The following SYNE2 variants were observed in gnomAD, a reference collection of about 807,000 sequenced individuals.
The protein encoded by SYNE2 is spectrin repeat containing nuclear envelope protein 2, also known as nesprin-2.
Under a neutral mutation model 856.3 loss-of-function variants are expected in SYNE2, and 431 were observed. The observed-to-expected ratio is 0.50, with a 90% CI of 0.47 to 0.55. The LOEUF (loss-of-function observed/expected upper bound fraction) is 0.55. Among genes scored for constraint, SYNE2 ranks in the 20% least tolerant of loss-of-function variants. The pLI is 0.00. For synonymous variants in SYNE2, 2,923 were observed against 2,872.3 expected, an observed-to-expected ratio of 1.02 and a Z score of -0.56; for missense variants, 8,129 against 8,023.2, an observed-to-expected ratio of 1.01 and a Z score of -0.50.
intron 113 of SYNE2, 38 bp downstream of exon 113, chr14:64,223,418 GT>G: frequency 6.2e-7 from 1 of 1,606,430 alleles, no homozygotes; most frequent in East Asian, 2.2e-5. Context: ...AAAGATTGCC[GT>G]ATTACATGCA....
chr14:63,998,312 A>T lies in SYNE2; in HGVS notation c.3337A>T (p.Asn1113Tyr). 1 of 1,610,108 alleles carries T rather than the reference A, an allele frequency of 6.2e-7. No homozygotes were observed. The highest frequency in any genetic ancestry group is 8.5e-7 in the Non-Finnish European group (1 of 1,176,380). Reference sequence around the variant, plus strand: ...GGAAAAGGATTACAGTGCATCTATAAATAGTTTACTAGAGAGGTAAACTCT... The same window carrying T: ...GGAAAAGGATTACAGTGCATCTATATATAGTTTACTAGAGAGGTAAACTCT... ...IMEKDYSASI[N>Y]SLLERYDTYR... is the part of the protein sequence containing the mutation. Residue 1113 changes from asparagine to tyrosine, a missense_variant, in exon 26 of 116, where the codon AAT (asparagine) becomes TAT (tyrosine). Asn to Tyr is a moderately radical substitution (Grantham distance 143). Transcript: ENST00000555002.
chr14:63,851,821 G>A (rs1411305403), upstream of SYNE2, among the ~76,000 whole-genome samples: 1 of 151,916 alleles, frequency 6.6e-6, no homozygotes. Context: ...AGTGGCTCAT[G>A]CCTGTAATCC....
Position 64,226,147 on chromosome 14 carries a change from A to G in SYNE2, c.*621A>G, listed in dbSNP as rs1407834884. 6.5e-6 allele frequency: 1 copy of G among 153,646 alleles called. No individual in the cohort carries two copies. The highest frequency in any genetic ancestry group is 2.4e-5 in the African/African-American group (1 of 41,466). The allele number at this position is 153,646 out of a possible 1,614,324, so 9.5% of individuals were successfully genotyped here. On this transcript the variant is annotated 3_prime_UTR_variant, in exon 116 of 116. Transcript: ENST00000555002. ...GGTTATTTGTGCATATTTTTTAACA[A>G]TGCCCAATCTGTATGAATAATGTAA...
intron 77 of SYNE2, among the ~76,000 whole-genome samples, chr14:64,133,452 A>G (rs774728000): frequency 2.0e-5 from 3 of 152,176 alleles, no homozygotes; most frequent in Non-Finnish European, 2.9e-5. Context: ...TTTGGAGTCA[A>G]TAACTCAGCT....
At chr14:63,825,805 G>A (rs1022636776) in intron 1 of SYNE2, among the ~76,000 whole-genome samples, 3 of 152,108 alleles carry the variant, frequency 2.0e-5, no homozygotes, top group Non-Finnish European at 2.9e-5. Flanking sequence ...GAACCCAGGA[G>A]GCAAAGGCAG....
chr14:64,113,256 G>C (rs775093844), intron 65 of SYNE2, 85 bp from the exon 66 acceptor site: 10 of 1,606,914 alleles, frequency 6.2e-6, no homozygotes, highest in Non-Finnish European at 7.6e-6. Context: ...TCTTTTAACT[G>C]GGGAAATGTT....
chr14:64,015,052 TATAA>T (rs1207712681), intron 32 of SYNE2, among the ~76,000 whole-genome samples: 1 of 145,772 alleles, frequency 6.9e-6, no homozygotes, highest in Non-Finnish European at 1.5e-5. Flanking sequence ...TATGTATATA[TATAA>T]ATATATATGT....
In SYNE2 at chr14:63,947,562, A is replaced by G. The variant is rs183012787; in HGVS notation, c.409-2263A>G. Among the ~76,000 whole-genome samples, 69 of 152,106 alleles carry G rather than the reference A, an allele frequency of 4.5e-4. 1 individual carries two copies. Among genetic ancestry groups the G allele is most frequent in the Middle Eastern group, 6.8e-3 (2 of 294 alleles). ...ATTGAAAAGCTCACCATGGCCCAGC[A>G]CAGTGGCTCATGCCTGTAATCCCAG... On this transcript the variant is annotated intron_variant, in intron 6 of 115. Coordinates refer to ENST00000555002, the MANE Select transcript of SYNE2 (RefSeq NM_182914.3).
chr14:63,977,846 C>A, intron 12 of SYNE2, 59 bp from the exon 13 acceptor site: 3 of 1,188,722 alleles, frequency 2.5e-6, no homozygotes, highest in Non-Finnish European at 2.5e-6. Context: ...GATTGACAAA[C>A]CCTTAATTAC....
chr14:64,074,058 G>A lies in SYNE2; in HGVS notation c.10788G>A (p.Lys3596=). 1 of 1,614,198 alleles carries A rather than the reference G, an allele frequency of 6.2e-7. No individual in the cohort carries two copies. The highest frequency in any genetic ancestry group is 8.5e-7 in the Non-Finnish European group (1 of 1,180,018). ...TCACAAAAGAGATAATTGCTTTGAA[G>A]AATTTCTTTCAACAGACCACAACTT... The part of the protein sequence containing the change: ...HSFTKEIIAL[K]NFFQQTTTSF... Residue 3596 remains lysine (K), a synonymous_variant, in exon 53 of 116, where the codon AAG becomes AAA. Transcript: ENST00000555002.
At chr14:64,121,138 C>G in intron 68 of SYNE2, 77 bp downstream of exon 68, 3 of 1,594,454 alleles carry the variant, frequency 1.9e-6, no homozygotes, top group Non-Finnish European at 2.6e-6. Context: ...ACCTACAGTC[C>G]TAGCTACTTG....
At chr14:64,207,784 A>T (rs1390758274) in intron 100 of SYNE2, among the ~76,000 whole-genome samples, 1 of 152,166 alleles carries the variant, frequency 6.6e-6, no homozygotes, top group Non-Finnish European at 1.5e-5. Flanking sequence ...AAATTGGTAT[A>T]TTATCAAATA....
chr14:63,785,116 T>C (rs891320014), intron 1 of SYNE2, among the ~76,000 whole-genome samples: 1 of 152,130 alleles, frequency 6.6e-6, no homozygotes. Context: ...TTTGGAAATA[T>C]TGAAGAGTTG....
Position 64,089,574 on chromosome 14 carries a change from G to A in SYNE2, c.11671G>A (p.Asp3891Asn). 6.2e-7 allele frequency: 1 copy of A among 1,608,786 alleles called. No homozygotes were observed. Among genetic ancestry groups the A allele is most frequent in the South Asian group, 1.1e-5 (1 of 90,870 alleles). Reference protein sequence around the residue: ...SLPQIQRMADDVVAIESEVKS... With the variant: ...SLPQIQRMADNVVAIESEVKS... Reference sequence around the variant, plus strand: ...TCAGTGTGTTCTTCTGAAATTCTAGGATGTGGTTGCTATTGAATCTGAAGT... The same window carrying A: ...TCAGTGTGTTCTTCTGAAATTCTAGAATGTGGTTGCTATTGAATCTGAAGT... Residue 3891 changes from aspartate (D) to asparagine (N), a missense_variant and splice_region_variant, in exon 59 of 116, where the codon GAT becomes AAT. Asp to Asn is a conservative substitution (Grantham distance 23). This residue lies in a region of SYNE2 where 5,410 missense variants were observed against 5,284.8 expected (regional missense o/e 1.02). Transcript: ENST00000555002.
chr14:64,017,637 G>T lies in SYNE2; in HGVS notation c.4930G>T (p.Ala1644Ser). The T allele has an allele frequency of 6.2e-7, 1 of 1,613,384 alleles. No individual in the cohort carries two copies. Among genetic ancestry groups the T allele is most frequent in the Non-Finnish European group, 8.5e-7 (1 of 1,179,566 alleles). Residue 1644 changes from alanine (A) to serine (S), a missense_variant, in exon 34 of 116, where the codon GCT becomes TCT. Coordinates refer to ENST00000555002, the MANE Select transcript of SYNE2 (RefSeq NM_182914.3). The stretch of plus-strand genomic sequence containing the variant: ...AGATTACTATGAAAATCTTGGTCGA[G>T]CTCTAGCTTTGTGGGACAAACTTTT... ...TEDYYENLGR[A>S]LALWDKLFNL...
chr14:64,115,992 A>G (rs1168775718), intron 66 of SYNE2, among the ~76,000 whole-genome samples: 1 of 152,202 alleles, frequency 6.6e-6, no homozygotes, highest in South Asian at 2.1e-4. Context: ...TGTCTCTACA[A>G]AATAATTTAA....
chr14:63,908,100 A>G (rs185981465), intron 1 of SYNE2, among the ~76,000 whole-genome samples: 24 of 152,270 alleles, frequency 1.6e-4, no homozygotes, highest in Admixed American at 1.4e-3. Context: ...AATATTTAAT[A>G]TGATTGACCG....
rs1020966137 is a variant in SYNE2, at chr14:64,225,728, G to GT, written c.*203dup. ...TCCTCCCCAGGAGCAGGGAACCTGT[G>GT]TGGCAGGTGCCCCGGGTATTTTGGC... On this transcript the variant is annotated 3_prime_UTR_variant, in exon 116 of 116. Transcript: ENST00000555002. 1 of 636,206 alleles carries GT rather than the reference G, an allele frequency of 1.6e-6. No individual in the cohort carries two copies. Among genetic ancestry groups the GT allele is most frequent in the Non-Finnish European group, 2.8e-6 (1 of 357,142 alleles). 39.4% of individuals were successfully genotyped at this position (636,206 alleles called of 1,614,324 possible).
intron 44 of SYNE2, among the ~76,000 whole-genome samples, 177 bp from the exon 45 acceptor site, chr14:64,030,839 A>C (rs1191737167): frequency 6.6e-6 from 1 of 152,212 alleles, no homozygotes; most frequent in Non-Finnish European, 1.5e-5. Context: ...GTATTTGAGA[A>C]TTTGATCCAA....
Sources: allele counts gnomAD v4.1 joint callset (sites outside exome capture counted in the v4.1 genomes callset), GRCh38; gene constraint gnomAD v4.1.1; regional missense constraint gnomAD v4.1.1; transcripts MANE v1.5; gene names NCBI Gene and HGNC (gene_info 2026-07-23, HGNC 2026-07-21).